Variants in BARHL2 observed in about 807,000 individuals in gnomAD.
BARHL2 encodes barH-like 2 homeobox protein.
In BARHL2, 10 loss-of-function variants were observed where a neutral mutation model predicts 27.1. That is an observed-to-expected ratio of 0.37 (90% CI 0.23 to 0.63). The LOEUF is 0.63. Ranked by LOEUF, BARHL2 falls within the 20% of genes least tolerant of loss-of-function variation. The pLI is 0.65. For missense variants in BARHL2, 483 were observed against 533.5 expected (o/e 0.91, Z 0.93); for synonymous variants, 248 against 224.7 (o/e 1.10, Z -0.93).
At chr1:90,715,152 T>A (rs183918486) in intron 1 of BARHL2, among the ~76,000 whole-genome samples, 55 of 151,522 alleles carry the variant, frequency 3.6e-4, no homozygotes, top group African/African-American at 1.3e-3. Context: ...TGGTGATTTT[T>A]CAAAGGGTCC....
rs534431663 is a variant in BARHL2 at position 90,715,841 on chromosome 1, AT to A, written c.625+729del. On this transcript the variant is annotated intron_variant, in intron 1 of 2. Transcript: ENST00000370445. ...GAAGGACAATTTCCATTGTCATCTT[AT>A]TTTTTTTTTAACAAAAAAGAGATTA... is the stretch of plus-strand genomic sequence containing the variant. Among the ~76,000 whole-genome samples the A allele has an allele frequency of 6.4e-3, 914 of 143,814 alleles. 4 individuals carry two copies. Among genetic ancestry groups the A allele is most frequent in the South Asian group, 0.012 (54 of 4,474 alleles). The allele number at this position is 143,814 out of a possible 152,430, so 94.3% of individuals were successfully genotyped here.
At position 90,711,671 on chromosome 1, in the gene BARHL2, T is replaced by C. The variant is rs1444535807; in HGVS notation, c.*641A>G. ...TCATGTTTTTACTAACGTATATAAG[T>C]GACTCTTTTTGGACAACATATAATA... is the stretch of plus-strand genomic sequence containing the variant. On this transcript the variant is annotated 3_prime_UTR_variant, in exon 3 of 3. Transcript: ENST00000370445. The C allele has an allele frequency of 6.6e-6, 1 of 152,236 alleles. No individual in the cohort carries two copies. The highest frequency in any genetic ancestry group is 1.5e-5 in the Non-Finnish European group (1 of 68,040). 9.4% of individuals were successfully genotyped at this position (152,236 alleles called of 1,614,324 possible). A position where few individuals can be genotyped will look rare whatever the true frequency, so the allele number is the denominator to read the frequency against.
At position 90,711,598 on chromosome 1, in the gene BARHL2, T is replaced by C. The variant is rs1316749899; in HGVS notation, c.*714A>G. 1.3e-5 allele frequency: 2 copies of C among 152,320 alleles called. No homozygotes were observed. 9.4% of individuals were successfully genotyped at this position (152,320 alleles called of 1,614,324 possible). On this transcript the variant is annotated 3_prime_UTR_variant, in exon 3 of 3. Transcript: ENST00000370445. ...TTCAATCACAAAAAAATCTATATTTTTGTCTAAGCATTTATTTTACTGAAT... is the reference window on the plus strand; with the variant it reads ...TTCAATCACAAAAAAATCTATATTTCTGTCTAAGCATTTATTTTACTGAAT...
intron 1 of BARHL2, among the ~76,000 whole-genome samples, chr1:90,715,311 C>T (rs1658122816): frequency 6.6e-6 from 1 of 151,984 alleles, no homozygotes; most frequent in Non-Finnish European, 1.5e-5. Context: ...AAGCCACCTG[C>T]ATCAGGTCTT....
chr1:90,716,511 G>C, intron 1 of BARHL2, 60 bp downstream of exon 1: 1 of 1,544,626 alleles, frequency 6.5e-7, no homozygotes, highest in Non-Finnish European at 8.9e-7. Context: ...AGGCTGAAGG[G>C]GAGATTGGGA....
chr1:90,712,281 A>G lies in BARHL2; in HGVS notation c.*31T>C. The stretch of plus-strand genomic sequence containing the variant: ...GTCCGGGTTGGGCAGGGATATGGGG[A>G]AGGGATTGCAGTGCCTTCGCTGCAA... On this transcript the variant is annotated 3_prime_UTR_variant, in exon 3 of 3. Coordinates refer to ENST00000370445, the MANE Select transcript of BARHL2 (RefSeq NM_020063.2). 7.0e-7 allele frequency: 1 copy of G among 1,430,986 alleles called. No homozygotes were observed. Among genetic ancestry groups the G allele is most frequent in the Non-Finnish European group, 9.2e-7 (1 of 1,091,308 alleles). 88.6% of individuals were successfully genotyped at this position (1,430,986 alleles called of 1,614,324 possible).
At chr1:90,715,217 T>C (rs1362436244) in intron 1 of BARHL2, among the ~76,000 whole-genome samples, 1 of 149,050 alleles carries the variant, frequency 6.7e-6, no homozygotes, top group East Asian at 2.0e-4. Flanking sequence ...TTTTTCATTT[T>C]ACTTTTTTCT....
rs1165281263 is a variant in BARHL2, at chr1:90,714,774, C to T, written c.626-18G>A. ...CTTTGTCCCTACCATAGAAACCCAG[C>T]CACGGTGGTAAGTTAGCCTGGAATG... is the stretch of plus-strand genomic sequence containing the variant. On this transcript the variant is annotated intron_variant, in intron 1 of 2. Coordinates refer to ENST00000370445, the MANE Select transcript of BARHL2 (RefSeq NM_020063.2). 5 of 1,612,168 alleles carry T rather than the reference C, an allele frequency of 3.1e-6. No individual in the cohort carries two copies. The highest frequency in any genetic ancestry group is 1.3e-5 in the African/African-American group (1 of 74,878).
chr1:90,715,017 G>A (rs1251555458), intron 1 of BARHL2, among the ~76,000 whole-genome samples: 3 of 152,142 alleles, frequency 2.0e-5, no homozygotes, highest in Admixed American at 2.0e-4. Context: ...ATGGTTGGAA[G>A]TTAAAAAGTA....
Position 90,716,692 on chromosome 1 carries a change from G to A in BARHL2, c.504C>T (p.His168=). The part of the protein sequence containing the change: ...APYSTSVSSP[H]HTPKQESNAV... ...CGTTGCTCTCCTGCTTCGGGGTGTG[G>A]TGGGGAGAGGATACGCTGGTGCTGT... Residue 168 remains histidine, a synonymous_variant, in exon 1 of 3, where the codon CAC becomes CAT. Coordinates refer to ENST00000370445, the MANE Select transcript of BARHL2 (RefSeq NM_020063.2). 6.2e-7 allele frequency: 1 copy of A among 1,612,670 alleles called. No individual in the cohort carries two copies. The highest frequency in any genetic ancestry group is 8.5e-7 in the Non-Finnish European group (1 of 1,179,356).
At chr1:90,713,990 T>G (rs151267139) in intron 2 of BARHL2, among the ~76,000 whole-genome samples, 202 of 152,322 alleles carry the variant, frequency 1.3e-3, no homozygotes, top group Non-Finnish European at 2.6e-3. Flanking sequence ...TGGGCTCTCC[T>G]AGTCTCTGCA....
chr1:90,712,307 T>C lies in BARHL2; in HGVS notation c.*5A>G. 1.4e-6 allele frequency: 2 copies of C among 1,451,204 alleles called. No individual in the cohort carries two copies. Among genetic ancestry groups the C allele is most frequent in the Non-Finnish European group, 1.8e-6 (2 of 1,098,944 alleles). 89.9% of individuals were successfully genotyped at this position (1,451,204 alleles called of 1,614,324 possible). A position where few individuals can be genotyped will look rare whatever the true frequency, so the allele number is the denominator to read the frequency against. On this transcript the variant is annotated 3_prime_UTR_variant, in exon 3 of 3. Coordinates refer to ENST00000370445, the MANE Select transcript of BARHL2 (RefSeq NM_020063.2). ...AGGGATTGCAGTGCCTTCGCTGCAA[T>C]GTTTTCACCGGGGGTGTGGGGTGCC...
At chr1:90,713,435 T>C (rs751284439) in intron 2 of BARHL2, among the ~76,000 whole-genome samples, 1 of 152,186 alleles carries the variant, frequency 6.6e-6, no homozygotes, top group Non-Finnish European at 1.5e-5. Flanking sequence ...TTTGCTCAAA[T>C]ACCTTATGAA....
Position 90,712,602 on chromosome 1 carries a change from C to A in BARHL2, c.874G>T (p.Ala292Ser). 1.2e-6 allele frequency: 2 copies of A among 1,608,446 alleles called. No individual in the cohort carries two copies. The highest frequency in any genetic ancestry group is 1.7e-4 in the Middle Eastern group (1 of 5,964). Residue 292 changes from alanine to serine, a missense_variant, in exon 3 of 3, where the codon GCG (alanine) becomes TCG (serine). Transcript: ENST00000370445. ...TCGGCCAGCAACTCCAGGCCCACCG[C>A]TGTCTGCCGCTTCCACTTGGTCCTG... Reference protein sequence around the residue: ...NRRTKWKRQTAVGLELLAEAG... With the variant: ...NRRTKWKRQTSVGLELLAEAG...
intron 1 of BARHL2, among the ~76,000 whole-genome samples, chr1:90,715,099 C>T (rs1409389037): frequency 6.6e-6 from 1 of 150,526 alleles, no homozygotes; most frequent in Non-Finnish European, 1.5e-5. Flanking sequence ...GAGATGCTGT[C>T]CCTTTTCTTT....
At chr1:90,713,069 C>T (rs1411423815) in intron 2 of BARHL2, among the ~76,000 whole-genome samples, 2 of 152,108 alleles carry the variant, frequency 1.3e-5, no homozygotes, top group Admixed American at 6.5e-5. Context: ...CTTCCTTCCC[C>T]GCCAGGCTGT....
chr1:90,714,872 C>A (rs146884850), intron 1 of BARHL2, 116 bp from the exon 2 acceptor site: 1 of 860,300 alleles, frequency 1.2e-6, no homozygotes, highest in East Asian at 2.5e-5. Flanking sequence ...GGGGACTGCA[C>A]TCTGCCACCC....
chr1:90,714,961 T>A (rs1039472852), intron 1 of BARHL2, among the ~76,000 whole-genome samples: 1 of 152,192 alleles, frequency 6.6e-6, no homozygotes, highest in African/African-American at 2.4e-5. Flanking sequence ...TATGGGACCT[T>A]GTTTAGAGTT....
chr1:90,717,093 G>T lies in BARHL2; in HGVS notation c.103C>A (p.Leu35Ile), dbSNP rs1382254467. Reference protein sequence around the residue: ...PGMMNGDFRPLGEARTADFRS... With the variant: ...PGMMNGDFRPIGEARTADFRS... ...AAATCCGCGGTCCTGGCCTCACCGA[G>T]CGGGCGGAAATCTCCATTCATCATG... Residue 35 changes from leucine to isoleucine, a missense_variant, in exon 1 of 3, where the codon CTC becomes ATC. By Grantham distance (5) the Leu-to-Ile change is conservative. Transcript: ENST00000370445. The T allele has an allele frequency of 1.2e-6, 2 of 1,613,908 alleles. No homozygotes were observed. Among genetic ancestry groups the T allele is most frequent in the African/African-American group, 2.7e-5 (2 of 74,898 alleles).
Sources: allele counts gnomAD v4.1 joint callset (sites outside exome capture counted in the v4.1 genomes callset), GRCh38; gene constraint gnomAD v4.1.1; transcripts MANE v1.5; gene names NCBI Gene and HGNC (gene_info 2026-07-23, HGNC 2026-07-21).